The following TRPM3 variants were observed in gnomAD, a reference collection of about 807,000 sequenced individuals.
TRPM3 encodes transient receptor potential cation channel subfamily M member 3.
Under a neutral mutation model 181.2 loss-of-function variants are expected in TRPM3, and 77 were observed. The ratio of observed to expected loss-of-function variants is 0.42; its 90% confidence interval spans 0.35 to 0.51. The LOEUF (loss-of-function observed/expected upper bound fraction) is 0.51, where lower values mean the gene tolerates loss of function less well. TRPM3 is among the 20% of genes least tolerant of loss of function. The probability of loss-of-function intolerance (pLI) is 0.01; values close to 1 mark genes in which losing one functional copy is unlikely to be tolerated. For synonymous variants in TRPM3, 745 were observed against 796.4 expected (o/e 0.94, Z 1.09); for missense variants, 1,759 against 2,196.7 (o/e 0.80, Z 3.98).
At chr9:71,086,356 G>T (rs896765125) in intron 1 of TRPM3, among the ~76,000 whole-genome samples, 1 of 151,710 alleles carries the variant, frequency 6.6e-6, no homozygotes, top group Non-Finnish European at 1.5e-5. Flanking sequence ...AAAAAAGAAA[G>T]AATTTTTTTA....
intron 9 of TRPM3, among the ~76,000 whole-genome samples, chr9:70,642,372 C>T (rs1186839589): frequency 1.3e-5 from 2 of 152,178 alleles, no homozygotes; most frequent in Admixed American, 6.5e-5. Context: ...TTCATCATTG[C>T]TGCTTCTGAT....
chr9:70,861,262 G>T (rs1192133708), intron 3 of TRPM3, among the ~76,000 whole-genome samples: 1 of 152,072 alleles, frequency 6.6e-6, no homozygotes, highest in Admixed American at 6.6e-5. Flanking sequence ...TCTATAAATT[G>T]TCGGGAATCA....
chr9:70,846,317 T>C, intron 4 of TRPM3, 61 bp downstream of exon 4: 1 of 1,498,596 alleles, frequency 6.7e-7, no homozygotes, highest in South Asian at 1.1e-5. Flanking sequence ...TAGCAGAAAA[T>C]TACATCAGGC....
chr9:70,862,329 C>A (rs1026680529), intron 3 of TRPM3, among the ~76,000 whole-genome samples: 5 of 152,026 alleles, frequency 3.3e-5, no homozygotes, highest in Non-Finnish European at 5.9e-5. Context: ...CCTAAAGTCT[C>A]CCCAACTCAA....
chr9:71,005,752 T>G (rs1308284264), intron 1 of TRPM3, among the ~76,000 whole-genome samples: 1 of 152,184 alleles, frequency 6.6e-6, no homozygotes, highest in African/African-American at 2.4e-5. Flanking sequence ...ACACCAGACC[T>G]GTCTTACAAA....
At chr9:71,136,236 A>G (rs1278756503) in intron 1 of TRPM3, among the ~76,000 whole-genome samples, 1 of 152,250 alleles carries the variant, frequency 6.6e-6, no homozygotes, top group Non-Finnish European at 1.5e-5. Context: ...AGCTGAAAAC[A>G]TCAATTATGT....
chr9:70,759,989 AAAG>A (rs1333660281), intron 8 of TRPM3, among the ~76,000 whole-genome samples: 1 of 152,174 alleles, frequency 6.6e-6, no homozygotes, highest in Non-Finnish European at 1.5e-5. Flanking sequence ...TAATTTTTTT[AAAG>A]AAGAACTCAT....
At chr9:71,069,709 A>G (rs1043147983) in intron 1 of TRPM3, among the ~76,000 whole-genome samples, 1 of 151,466 alleles carries the variant, frequency 6.6e-6, no homozygotes, top group Non-Finnish European at 1.5e-5. Flanking sequence ...CCCAGGTTCA[A>G]GCGATTCTCC....
intron 1 of TRPM3, among the ~76,000 whole-genome samples, chr9:70,969,779 T>TATATATATATATATATATATATATAC (rs900528837): frequency 2.8e-4 from 39 of 139,812 alleles, no homozygotes; most frequent in African/African-American, 9.6e-4. Flanking sequence ...TATATATATA[T>TATATATATATATATATATATATATAC]ACACACACAC....
intron 1 of TRPM3, among the ~76,000 whole-genome samples, chr9:70,928,168 T>G (rs1453325295): frequency 6.6e-6 from 1 of 152,142 alleles, no homozygotes; most frequent in Non-Finnish European, 1.5e-5. Context: ...ACTTATGAAG[T>G]GGGTGACATT....
At chr9:71,112,953 C>T (rs2071465410) in intron 1 of TRPM3, among the ~76,000 whole-genome samples, 1 of 152,112 alleles carries the variant, frequency 6.6e-6, no homozygotes. Flanking sequence ...AAAAACTCAG[C>T]TACACGGAAT....
rs750238004 is a variant in TRPM3, at chr9:70,863,114, T to C, written c.258-2A>G. ...CCTATCAGACGCCCACAGCAACACC[T>C]ATAACAGAAGAGGTTAAAGTGAACC... On this transcript the variant is annotated splice_acceptor_variant, in intron 2 of 25. Coordinates refer to ENST00000677713, the MANE Select transcript of TRPM3 (RefSeq NM_001366145.2). LOFTEE classifies it high-confidence loss of function. 1 of 1,612,494 alleles carries C rather than the reference T, an allele frequency of 6.2e-7. No homozygotes were observed. Among genetic ancestry groups the C allele is most frequent in the Non-Finnish European group, 8.5e-7 (1 of 1,179,006 alleles).
chr9:71,049,647 C>T (rs1376603973), intron 1 of TRPM3, among the ~76,000 whole-genome samples: 1 of 152,002 alleles, frequency 6.6e-6, no homozygotes, highest in Admixed American at 6.6e-5. Context: ...ATGAGAAGGT[C>T]CCTGGAAGCA....
At chr9:71,307,259 T>A (rs2132371358) in intron 1 of TRPM3, among the ~76,000 whole-genome samples, 1 of 152,160 alleles carries the variant, frequency 6.6e-6, no homozygotes, top group South Asian at 2.1e-4. Flanking sequence ...TATTTTTATT[T>A]CCTTTTTCTA....
intron 9 of TRPM3, among the ~76,000 whole-genome samples, chr9:70,675,258 G>C (rs762530136): frequency 6.6e-6 from 1 of 152,028 alleles, no homozygotes; most frequent in African/African-American, 2.4e-5. Flanking sequence ...GCACTGCCAT[G>C]CTCCACTTAT....
intron 1 of TRPM3, among the ~76,000 whole-genome samples, chr9:71,251,375 C>G (rs1170869680): frequency 6.6e-6 from 1 of 152,138 alleles, no homozygotes; most frequent in Non-Finnish European, 1.5e-5. Flanking sequence ...CTGAGTTCAT[C>G]TTCTCTACAA....
chr9:71,343,502 G>A (rs1199598598), intron 1 of TRPM3, among the ~76,000 whole-genome samples: 1 of 152,028 alleles, frequency 6.6e-6, no homozygotes, highest in African/African-American at 2.4e-5. Context: ...ATATTGTTGA[G>A]AGCTAGGACA....
intron 1 of TRPM3, among the ~76,000 whole-genome samples, chr9:70,918,837 A>T (rs187820203): frequency 0.025 from 3,828 of 151,808 alleles, 62 homozygotes; most frequent in East Asian, 0.053. Flanking sequence ...TATTTTTTTT[A>T]AAAAAATAAA....
chr9:71,325,144 T>C (rs2089571884), intron 1 of TRPM3, among the ~76,000 whole-genome samples: 1 of 152,114 alleles, frequency 6.6e-6, no homozygotes, highest in Non-Finnish European at 1.5e-5. Flanking sequence ...ATTTCTCACA[T>C]ACCTCACAAG....
Sources: gnomAD v4.1 joint callset for allele counts (sites outside exome capture counted in the v4.1 genomes callset) on GRCh38, gnomAD v4.1.1 for gene constraint, MANE v1.5 for transcripts, NCBI Gene and HGNC (gene_info 2026-07-23, HGNC 2026-07-21) for gene names.